RHOU: variants seen among roughly 807,000 people sequenced by gnomAD.
RHOU encodes rho-related GTP-binding protein RhoU.
In RHOU, 8 loss-of-function variants were observed where a neutral mutation model predicts 12.6. The observed-to-expected ratio is 0.64, with a 90% CI of 0.37 to 1.15. The LOEUF is 1.15. RHOU is among the 50% of genes most tolerant of loss of function. The probability of loss-of-function intolerance (pLI) is 0.01; values close to 1 mark genes in which losing one functional copy is unlikely to be tolerated. For missense variants in RHOU, 258 were observed against 347.0 expected (o/e 0.74, Z 2.04); for synonymous variants, 161 against 147.4 (o/e 1.09, Z -0.67).
chr1:228,680,634 G>C, the RHOU span, among the ~76,000 whole-genome samples: 1 of 152,118 alleles, frequency 6.6e-6, no homozygotes, highest in Admixed American at 6.6e-5. Context: ...AATTTTTGAA[G>C]CTTTTTTCTA....
the RHOU span, among the ~76,000 whole-genome samples, chr1:228,685,528 A>G: frequency 6.6e-6 from 1 of 152,326 alleles, no homozygotes; most frequent in African/African-American, 2.4e-5. Flanking sequence ...CATTCTCTGG[A>G]TGGTTGATTC....
chr1:228,657,279 C>CAAAAAAAAAAAAAAAAAAAAAAAAAAA, the RHOU span, among the ~76,000 whole-genome samples: 5 of 28,030 alleles, frequency 1.8e-4, no homozygotes, highest in Non-Finnish European at 2.5e-4. Flanking sequence ...AACTCCATCT[C>CAAAAAAAAAAAAAAAAAAAAAAAAAAA]AAAAAAAAAA....
At chr1:228,729,824 G>A in the RHOU span, among the ~76,000 whole-genome samples, 4 of 152,164 alleles carry the variant, frequency 2.6e-5, no homozygotes, top group African/African-American at 4.8e-5. Flanking sequence ...GATACCAATG[G>A]AAGAGCTTAA....
At chr1:228,718,239 G>A in the RHOU span, among the ~76,000 whole-genome samples, 1 of 152,190 alleles carries the variant, frequency 6.6e-6, no homozygotes, top group Non-Finnish European at 1.5e-5. Context: ...GAAATAGGGA[G>A]AATCAAGAAG....
chr1:228,703,449 C>G, the RHOU span, among the ~76,000 whole-genome samples: 1 of 151,488 alleles, frequency 6.6e-6, no homozygotes, highest in Admixed American at 6.6e-5. Context: ...TGGCGTGAAC[C>G]CGGGAGGTGA....
the RHOU span, among the ~76,000 whole-genome samples, chr1:228,649,880 A>C: frequency 6.6e-6 from 1 of 152,248 alleles, no homozygotes; most frequent in Non-Finnish European, 1.5e-5. Context: ...ATGTTCCAAA[A>C]TTGTGTAAAA....
At chr1:228,683,437 T>C in the RHOU span, among the ~76,000 whole-genome samples, 3 of 152,208 alleles carry the variant, frequency 2.0e-5, no homozygotes, top group African/African-American at 4.8e-5. Context: ...CAGGTAGATA[T>C]TGAGATTTTA....
rs547174608 is a variant in RHOU, at chr1:228,736,129, G to A, written c.262+125G>A. On this transcript the variant is annotated intron_variant, in intron 1 of 2. Transcript: ENST00000366691. ...GGGCCCCGGGCGCGGCTCCAGCTGG[G>A]AAGCCGGACAAATGAGGAGTGCAGG... 2.6e-5 allele frequency: 25 copies of A among 961,654 alleles called. No homozygotes were observed. In the African/African-American group the frequency reaches 3.8e-4, roughly 15 times the overall value. 59.6% of individuals were successfully genotyped at this position (961,654 alleles called of 1,614,324 possible).
chr1:228,735,846 A>AGCCGGGGG lies in RHOU; in HGVS notation c.113_120dup (p.Arg41AlafsTer30). ...GGACGCGGGGGACGCGGGCCTGGGG[A>AGCCGGGGG]GCCGGGGGGCCGGGGGCGTGCGGGG... On this transcript the variant is annotated frameshift_variant, in exon 1 of 3. Coordinates refer to ENST00000366691, the MANE Select transcript of RHOU (RefSeq NM_021205.6). LOFTEE classifies it high-confidence loss of function. The surrounding 1 kb of genome is among the most constrained non-coding windows in gnomAD (Gnocchi z 8.1). 7.7e-7 allele frequency: 1 copy of AGCCGGGGG among 1,304,154 alleles called. No homozygotes were observed. Among genetic ancestry groups the AGCCGGGGG allele is most frequent in the Non-Finnish European group, 9.7e-7 (1 of 1,028,470 alleles). The allele number at this position is 1,304,154 out of a possible 1,614,324, so 80.8% of individuals were successfully genotyped here.
chr1:228,647,583 G>T, the RHOU span, among the ~76,000 whole-genome samples: 1 of 152,230 alleles, frequency 6.6e-6, no homozygotes, highest in Admixed American at 6.5e-5. Context: ...CCTTCCCCCG[G>T]TTTATAAGGT....
intron 2 of RHOU, among the ~76,000 whole-genome samples, chr1:228,742,251 A>T (rs1662738548): frequency 6.6e-6 from 1 of 152,216 alleles, no homozygotes; most frequent in South Asian, 2.1e-4. Context: ...GAACTATAGG[A>T]TGTTTTCTGT....
the RHOU span, among the ~76,000 whole-genome samples, chr1:228,696,724 AT>A: frequency 1.3e-5 from 2 of 151,288 alleles, no homozygotes; most frequent in African/African-American, 4.9e-5. Flanking sequence ...ATTTTTGTGT[AT>A]TTTGTAGAGG....
At position 228,737,367 on chromosome 1, in the gene RHOU, AGT is replaced by A. The variant is rs1315476219; in HGVS notation, c.263-302_263-301del. 6.6e-6 allele frequency among the ~76,000 whole-genome samples: 1 copy of A among 152,156 alleles called. No individual in the cohort carries two copies. Among genetic ancestry groups the A allele is most frequent in the Non-Finnish European group, 1.5e-5 (1 of 68,028 alleles). ...TGTTGTTTTTAGGTCCTTTGAAACA[AGT>A]GTGACAGGAAAATAAATCTTCCAGG... On this transcript the variant is annotated intron_variant, in intron 1 of 2. Transcript: ENST00000366691. This position sits in a 1 kb window ranked among gnomAD's most constrained non-coding sequence, Gnocchi z 4.1.
chr1:228,664,184 A>AT, the RHOU span, among the ~76,000 whole-genome samples: 2 of 150,560 alleles, frequency 1.3e-5, no homozygotes, highest in East Asian at 2.0e-4. Flanking sequence ...GGCTCGGCTA[A>AT]TTTTTTGTAG....
chr1:228,676,588 C>T, the RHOU span, among the ~76,000 whole-genome samples: 2 of 152,174 alleles, frequency 1.3e-5, no homozygotes, highest in Non-Finnish European at 2.9e-5. Context: ...AGGAGACCAC[C>T]AAACAGGCTT....
the RHOU span, among the ~76,000 whole-genome samples, chr1:228,684,699 C>G: frequency 1.3e-5 from 2 of 152,194 alleles, no homozygotes. Flanking sequence ...GCAGCCACCC[C>G]CATAAGGCAG....
At chr1:228,686,836 G>T in the RHOU span, among the ~76,000 whole-genome samples, 2 of 152,030 alleles carry the variant, frequency 1.3e-5, no homozygotes, top group African/African-American at 4.8e-5. Flanking sequence ...CGCTTCCAGG[G>T]TTCAAGTGAT....
the RHOU span, among the ~76,000 whole-genome samples, chr1:228,709,197 C>T: frequency 6.6e-6 from 1 of 151,906 alleles, no homozygotes; most frequent in Admixed American, 6.6e-5. Context: ...TAGACTCCCA[C>T]ACATTAATAA....
chr1:228,735,700 G>T lies in RHOU; in HGVS notation c.-43G>T. On this transcript the variant is annotated 5_prime_UTR_variant, in exon 1 of 3. Transcript: ENST00000366691. This position sits in a 1 kb window ranked among gnomAD's most constrained non-coding sequence, Gnocchi z 8.1. The stretch of plus-strand genomic sequence containing the variant: ...TCCGGGGCGGAGGGGCGGTCGGGCC[G>T]GGCCCTGCTAGCCCGCGACCGCAAG... The T allele has an allele frequency of 8.4e-7, 1 of 1,191,340 alleles. No individual in the cohort carries two copies. The highest frequency in any genetic ancestry group is 4.2e-5 in the South Asian group (1 of 23,744). The allele number at this position is 1,191,340 out of a possible 1,614,324, so 73.8% of individuals were successfully genotyped here. A position where few individuals can be genotyped will look rare whatever the true frequency, so the allele number is the denominator to read the frequency against.
Sources: gnomAD v4.1 joint callset for allele counts (sites outside exome capture counted in the v4.1 genomes callset) on GRCh38, gnomAD v4.1.1 for gene constraint, Gnocchi (gnomAD v3.1) non-coding constraint, MANE v1.5 for transcripts, NCBI Gene and HGNC (gene_info 2026-07-23, HGNC 2026-07-21) for gene names.